The following TCF4 variants were observed in gnomAD, a reference collection of about 807,000 sequenced individuals.
The protein encoded by TCF4 is transcription factor 4, also known as SL3-3 enhancer factor 2.
A neutral mutation model predicts 82.1 loss-of-function variants in TCF4; 3 were observed. That is an observed-to-expected ratio of 0.04 (90% CI 0.02 to 0.09). The LOEUF is 0.09. Among genes scored for constraint, TCF4 ranks in the 10% least tolerant of loss-of-function variants. TCF4 has a pLI of 1.00. For synonymous variants in TCF4, 276 were observed against 309.6 expected, an observed-to-expected ratio of 0.89 and a Z score of 1.14; for missense variants, 518 against 852.7, an observed-to-expected ratio of 0.61 and a Z score of 4.89.
chr18:55,433,206 C>T (rs2095250048), intron 5 of TCF4, among the ~76,000 whole-genome samples: 1 of 152,206 alleles, frequency 6.6e-6, no homozygotes, highest in African/African-American at 2.4e-5. Flanking sequence ...AAGCCCAAAA[C>T]ATACCAGTGA....
chr18:55,563,799 C>G (rs1273243461), intron 3 of TCF4, among the ~76,000 whole-genome samples: 1 of 152,180 alleles, frequency 6.6e-6, no homozygotes, highest in Non-Finnish European at 1.5e-5. Context: ...TTTTATCCAG[C>G]AATAAATACT....
intron 2 of TCF4, among the ~76,000 whole-genome samples, chr18:55,624,389 G>T (rs1283115227): frequency 6.6e-6 from 1 of 152,062 alleles, no homozygotes; most frequent in Non-Finnish European, 1.5e-5. Context: ...CTCCCTAAAT[G>T]CCTGGTGGCC....
chr18:55,301,024 G>A (rs2068098103), intron 8 of TCF4, among the ~76,000 whole-genome samples: 1 of 152,064 alleles, frequency 6.6e-6, no homozygotes, highest in Non-Finnish European at 1.5e-5. Flanking sequence ...TGGTCCCTCA[G>A]CACATCCGGC....
At chr18:55,463,674 C>A (rs1303940173) in intron 4 of TCF4, among the ~76,000 whole-genome samples, 1 of 152,108 alleles carries the variant, frequency 6.6e-6, no homozygotes, top group Admixed American at 6.6e-5. Context: ...TCTATTCACA[C>A]CAATACCTTA....
intron 5 of TCF4, among the ~76,000 whole-genome samples, chr18:55,414,389 C>T (rs1183894781): frequency 2.0e-5 from 3 of 151,902 alleles, no homozygotes; most frequent in African/African-American, 4.8e-5. Context: ...GATCACTCCA[C>T]GGTTGGTTTG....
chr18:55,460,294 T>C (rs2095848162), intron 5 of TCF4, among the ~76,000 whole-genome samples: 1 of 152,088 alleles, frequency 6.6e-6, no homozygotes, highest in African/African-American at 2.4e-5. Flanking sequence ...TAGCCAGCTA[T>C]TGGGACCTTT....
chr18:55,465,307 GTATAATTAATT>G (rs1288615964), intron 3 of TCF4, among the ~76,000 whole-genome samples: 1 of 151,666 alleles, frequency 6.6e-6, no homozygotes, highest in Non-Finnish European at 1.5e-5. Flanking sequence ...AGTAATCATA[GTATAATTAATT>G]TATTTATTTT....
chr18:55,611,364 G>A (rs2147963954), intron 2 of TCF4, among the ~76,000 whole-genome samples: 1 of 152,308 alleles, frequency 6.6e-6, no homozygotes, highest in South Asian at 2.1e-4. Context: ...ACTCTACTAT[G>A]AGTTCATGAT....
chr18:55,266,717 T>C (rs1164219780), intron 11 of TCF4: 1 of 151,950 alleles, frequency 6.6e-6, no homozygotes, highest in Non-Finnish European at 1.5e-5. Flanking sequence ...TATGGATTTC[T>C]CAAAAAATGA....
intron 6 of TCF4, among the ~76,000 whole-genome samples, chr18:55,358,873 A>G (rs2084306061): frequency 6.6e-6 from 1 of 152,206 alleles, no homozygotes; most frequent in Non-Finnish European, 1.5e-5. Context: ...AATGTTGTAT[A>G]AGAGTGCCTA....
intron 3 of TCF4, among the ~76,000 whole-genome samples, chr18:55,578,446 A>G (rs541128599): frequency 6.5e-4 from 99 of 152,076 alleles, no homozygotes; most frequent in African/African-American, 2.1e-3. Flanking sequence ...CTCCTTACCT[A>G]AAAAATAGAG....
chr18:55,417,017 A>T (rs551967792), intron 5 of TCF4, among the ~76,000 whole-genome samples: 1 of 152,224 alleles, frequency 6.6e-6, no homozygotes. Context: ...ATTATATCTG[A>T]CAAGTTAAAT....
At chr18:55,281,261 T>C (rs1024649343) in intron 8 of TCF4, among the ~76,000 whole-genome samples, 1 of 152,184 alleles carries the variant, frequency 6.6e-6, no homozygotes, top group Non-Finnish European at 1.5e-5. Flanking sequence ...CTAAGTTCTG[T>C]CAACCACATC....
chr18:55,585,835 C>G, intron 2 of TCF4: 1 of 1,150,014 alleles, frequency 8.7e-7, no homozygotes, highest in Non-Finnish European at 1.1e-6. Context: ...CATTTCGTCT[C>G]TAACAGGAGA....
At chr18:55,591,104 A>T (rs1371226132), upstream of TCF4, 3 of 152,216 alleles carry the variant, frequency 2.0e-5, no homozygotes, top group Non-Finnish European at 2.9e-5. Flanking sequence ...AATTTCGGCG[A>T]TCTTTTACTT....
intron 3 of TCF4, among the ~76,000 whole-genome samples, chr18:55,565,083 T>TC (rs1292006935): frequency 6.6e-6 from 1 of 152,170 alleles, no homozygotes; most frequent in Admixed American, 6.5e-5. Flanking sequence ...TTGTGCAGAA[T>TC]CTAGAAGCAC....
rs973214709 is a variant in TCF4, at chr18:55,222,943, A to G, written c.*5092T>C. 7 of 152,782 alleles carry G rather than the reference A, an allele frequency of 4.6e-5. No individual in the cohort carries two copies. Among genetic ancestry groups the G allele is most frequent in the African/African-American group, 1.7e-4 (7 of 41,578 alleles). The allele number at this position is 152,782 out of a possible 1,614,324, so 9.5% of individuals were successfully genotyped here. On this transcript the variant is annotated 3_prime_UTR_variant, in exon 20 of 20. Transcript: ENST00000354452. ...TGGTGGGGCGGATGTAGTTTGAGAA[A>G]GTATAAATACAGTGTTAATATTAAC...
Position 55,302,603 on chromosome 18 carries a change from C to T in TCF4, c.550-22947G>A, listed in dbSNP as rs533846888. 21 of 1,528,740 alleles carry T rather than the reference C, an allele frequency of 1.4e-5. No individual in the cohort carries two copies. The African/African-American group carries it at 1.6e-4, about 12-fold the overall frequency. The allele number at this position is 1,528,740 out of a possible 1,614,324, so 94.7% of individuals were successfully genotyped here. On this transcript the variant is annotated intron_variant, in intron 8 of 19. Transcript: ENST00000354452. ...TTCATAATGGGAGGGAGAGAGGGAACTTCATGCTGGATATATGAAACTCAG... is the reference window on the plus strand; with the variant it reads ...TTCATAATGGGAGGGAGAGAGGGAATTTCATGCTGGATATATGAAACTCAG...
At chr18:55,538,295 CT>C (rs2097136728) in intron 3 of TCF4, among the ~76,000 whole-genome samples, 2 of 152,236 alleles carry the variant, frequency 1.3e-5, no homozygotes, top group Admixed American at 6.5e-5. Flanking sequence ...CCAGTACCCC[CT>C]AAAAGACAAA....
Sources: allele counts gnomAD v4.1 joint callset (sites outside exome capture counted in the v4.1 genomes callset), GRCh38; gene constraint gnomAD v4.1.1; transcripts MANE v1.5; gene names NCBI Gene and HGNC (gene_info 2026-07-23, HGNC 2026-07-21).